Variants in TENM3 observed in about 807,000 individuals in gnomAD.
TENM3 encodes the protein teneurin-3.
A neutral mutation model predicts 255.1 loss-of-function variants in TENM3; 63 were observed. The ratio of observed to expected loss-of-function variants is 0.25; its 90% confidence interval spans 0.20 to 0.30. The LOEUF (loss-of-function observed/expected upper bound fraction) is 0.30. Among genes scored for constraint, TENM3 ranks in the 10% least tolerant of loss-of-function variants. The pLI, the probability that TENM3 is intolerant of heterozygous loss-of-function variation, is 1.00. For synonymous variants in TENM3, 1,306 were observed against 1,322.3 expected, an observed-to-expected ratio of 0.99 and a Z score of 0.27; for missense variants, 2,929 against 3,461.1, an observed-to-expected ratio of 0.85 and a Z score of 3.86.
chr4:181,886,145 C>G, the TENM3 span, among the ~76,000 whole-genome samples: 4 of 150,934 alleles, frequency 2.7e-5, no homozygotes, highest in Non-Finnish European at 2.9e-5. Context: ...CTCCGCCTTC[C>G]GGGTTCAAGC....
At chr4:182,627,786 GA>G (rs2152467931) in intron 4 of TENM3, among the ~76,000 whole-genome samples, 1 of 152,152 alleles carries the variant, frequency 6.6e-6, no homozygotes, top group Admixed American at 6.5e-5. Context: ...CTTTCCTGAA[GA>G]ATTCCTTTTA....
chr4:181,936,895 A>C, the TENM3 span, among the ~76,000 whole-genome samples: 1 of 152,144 alleles, frequency 6.6e-6, no homozygotes, highest in Admixed American at 6.5e-5. Context: ...GGGAAAAGAA[A>C]ACAATGTTTC....
At chr4:181,644,044 C>T in the TENM3 span, among the ~76,000 whole-genome samples, 1 of 140,604 alleles carries the variant, frequency 7.1e-6, no homozygotes, top group Non-Finnish European at 1.5e-5. Context: ...CCACTGCATT[C>T]TAGCCTGGGT....
the TENM3 span, among the ~76,000 whole-genome samples, chr4:181,574,736 A>G: frequency 6.6e-6 from 1 of 152,208 alleles, no homozygotes; most frequent in Non-Finnish European, 1.5e-5. Context: ...AGATCATTAT[A>G]TAGAAGCCGT....
the TENM3 span, among the ~76,000 whole-genome samples, chr4:181,908,508 A>G: frequency 1.3e-5 from 2 of 152,230 alleles, no homozygotes; most frequent in African/African-American, 2.4e-5. Flanking sequence ...CATTTTAAAG[A>G]CAGCAATTTT....
Position 182,789,296 on chromosome 4 carries a change from C to G in TENM3, c.5508C>G (p.Thr1836=), listed in dbSNP as rs763516375. The G allele has an allele frequency of 1.9e-5, 30 of 1,613,704 alleles. No individual in the cohort carries two copies. Among genetic ancestry groups the G allele is most frequent in the Non-Finnish European group, 2.2e-5 (26 of 1,179,836 alleles). The change falls in exon 25 of 28, where the codon ACC becomes ACG. Residue 1836 remains threonine (T), a synonymous_variant. Coordinates refer to ENST00000511685, the MANE Select transcript of TENM3 (RefSeq NM_001080477.4). This position sits in a 1 kb window ranked among gnomAD's most constrained non-coding sequence, Gnocchi z 4.4. ...AAATTGCCAGCATCCAGCGAGGCAC[C>G]ACTAGCGAGAAAGTAGATTATGACG... is the stretch of plus-strand genomic sequence containing the variant. ...TGQIASIQRG[T]TSEKVDYDGQ...
intron 3 of TENM3, among the ~76,000 whole-genome samples, chr4:182,567,494 C>G (rs1743908784): frequency 6.6e-6 from 1 of 152,096 alleles, no homozygotes; most frequent in African/African-American, 2.4e-5. Flanking sequence ...TTTAAAATGG[C>G]CTTCCAGATT....
chr4:182,332,627 G>A (rs191448766), intron 2 of TENM3, among the ~76,000 whole-genome samples: 9 of 151,820 alleles, frequency 5.9e-5, no homozygotes, highest in Admixed American at 1.3e-4. Context: ...CCGGGAGGTG[G>A]AGGTTGCAGT....
chr4:181,545,830 T>C, the TENM3 span, among the ~76,000 whole-genome samples: 1 of 152,024 alleles, frequency 6.6e-6, no homozygotes, highest in African/African-American at 2.4e-5. Flanking sequence ...ATTTTCTTAA[T>C]GACATACTTT....
chr4:181,799,878 G>T, the TENM3 span, among the ~76,000 whole-genome samples: 1 of 152,176 alleles, frequency 6.6e-6, no homozygotes, highest in African/African-American at 2.4e-5. Flanking sequence ...GAAGCAGCCT[G>T]TCTATTAGGA....
the TENM3 span, among the ~76,000 whole-genome samples, chr4:181,782,356 T>C: frequency 1.1e-4 from 16 of 152,326 alleles, no homozygotes; most frequent in East Asian, 1.7e-3. Flanking sequence ...TGGGAGGGTG[T>C]ATGTGTCCAG....
At chr4:182,500,821 A>G (rs1580755903) in intron 3 of TENM3, among the ~76,000 whole-genome samples, 1 of 152,258 alleles carries the variant, frequency 6.6e-6, no homozygotes, top group Non-Finnish European at 1.5e-5. Flanking sequence ...ATAATCCTAG[A>G]AAGTTCTGAT....
chr4:181,693,394 T>C, the TENM3 span, among the ~76,000 whole-genome samples: 1 of 152,154 alleles, frequency 6.6e-6, no homozygotes, highest in Non-Finnish European at 1.5e-5. Context: ...TAATTTTATG[T>C]TGGTGTGTTA....
the TENM3 span, among the ~76,000 whole-genome samples, chr4:181,634,302 T>C: frequency 6.6e-6 from 1 of 152,174 alleles, no homozygotes; most frequent in Non-Finnish European, 1.5e-5. Flanking sequence ...GCATTCTTTC[T>C]TCAATCGTTT....
At chr4:182,739,906 C>G (rs1458323747) in intron 18 of TENM3, among the ~76,000 whole-genome samples, 1 of 151,982 alleles carries the variant, frequency 6.6e-6, no homozygotes, top group Non-Finnish European at 1.5e-5. Context: ...TGTGGTGATA[C>G]GCACCTGTAG....
At position 182,743,153 on chromosome 4, in the gene TENM3, C is replaced by A; in HGVS notation, c.3380-17C>A. The A allele has an allele frequency of 6.4e-7, 1 of 1,570,890 alleles. No homozygotes were observed. Among genetic ancestry groups the A allele is most frequent in the South Asian group, 1.1e-5 (1 of 87,240 alleles). ...CTTTTTCATCATAAGAAAAACAATG[C>A]ACTTTATTTCTTCTAGGTATACTGT... On this transcript the variant is annotated splice_polypyrimidine_tract_variant and intron_variant, in intron 18 of 27. Transcript: ENST00000511685.
At chr4:182,506,467 A>G (rs933179876) in intron 3 of TENM3, among the ~76,000 whole-genome samples, 2 of 152,178 alleles carry the variant, frequency 1.3e-5, no homozygotes, top group African/African-American at 2.4e-5. Context: ...GGCCTGGCAC[A>G]TGGTGCTTAA....
chr4:182,121,566 C>T, the TENM3 span, among the ~76,000 whole-genome samples: 1 of 152,134 alleles, frequency 6.6e-6, no homozygotes, highest in Non-Finnish European at 1.5e-5. Context: ...TTCTTTTGGT[C>T]TCCCAGTGCA....
intron 3 of TENM3, among the ~76,000 whole-genome samples, chr4:182,544,323 ATTTTTTTT>A (rs35639483): frequency 1.0e-4 from 7 of 69,326 alleles, no homozygotes; most frequent in African/African-American, 2.8e-4. Flanking sequence ...AGCATTGTGG[ATTTTTTTT>A]TTTTTTTTTT....
Sources: gnomAD v4.1 joint callset for allele counts (sites outside exome capture counted in the v4.1 genomes callset) on GRCh38, gnomAD v4.1.1 for gene constraint, Gnocchi (gnomAD v3.1) non-coding constraint, MANE v1.5 for transcripts, NCBI Gene and HGNC (gene_info 2026-07-23, HGNC 2026-07-21) for gene names.